Variants in JAKMIP2 observed in about 807,000 individuals in gnomAD.
JAKMIP2 encodes the protein janus kinase and microtubule-interacting protein 2.
A neutral mutation model predicts 115.0 loss-of-function variants in JAKMIP2; 25 were observed. The observed-to-expected ratio is 0.22, with a 90% confidence interval of 0.16 to 0.30. JAKMIP2 has a LOEUF of 0.30. Among genes scored for constraint, JAKMIP2 ranks in the 10% least tolerant of loss-of-function variants. The probability of loss-of-function intolerance (pLI) is 1.00; values close to 1 mark genes in which losing one functional copy is unlikely to be tolerated. For missense variants in JAKMIP2, 642 were observed against 957.6 expected (o/e 0.67, Z 4.35); for synonymous variants, 334 against 343.6 (o/e 0.97, Z 0.31).
At chr5:147,629,837 G>T in intron 14 of JAKMIP2, 91 bp from the exon 15 acceptor site, 1 of 950,478 alleles carries the variant, frequency 1.1e-6, no homozygotes, top group East Asian at 2.5e-5. Flanking sequence ...AGACATTTTA[G>T]GGCCTGAACT....
chr5:147,762,011 T>C (rs185397700), intron 1 of JAKMIP2, among the ~76,000 whole-genome samples: 239 of 151,970 alleles, frequency 1.6e-3, no homozygotes, highest in Non-Finnish European at 1.7e-3. Context: ...AAATAACTCA[T>C]GTTCATTGGG....
At chr5:147,752,898 C>A (rs1042652773) in intron 1 of JAKMIP2, among the ~76,000 whole-genome samples, 9 of 152,242 alleles carry the variant, frequency 5.9e-5, no homozygotes, top group African/African-American at 1.9e-4. Flanking sequence ...GGAGGGGCAG[C>A]TTTGTGGGAA....
rs76039036 is a variant in JAKMIP2 at position 147,749,138 on chromosome 5, T to C, written c.-149+33318A>G. ...TGATAAGTGACATCTAGAACACACA[T>C]ATAAATTTGTCAATTTGAAGCCTCT... is the stretch of plus-strand genomic sequence containing the variant. On this transcript the variant is annotated intron_variant, in intron 1 of 21. Transcript: ENST00000616793. Among the ~76,000 whole-genome samples the C allele has an allele frequency of 6.0e-3, 914 of 152,164 alleles. 18 individuals carry two copies. The highest frequency in any genetic ancestry group is 0.021 in the African/African-American group (863 of 41,506).
At chr5:147,688,841 T>C (rs1046942178) in intron 1 of JAKMIP2, among the ~76,000 whole-genome samples, 4 of 152,248 alleles carry the variant, frequency 2.6e-5, no homozygotes, top group African/African-American at 9.6e-5. Context: ...CCAAGCACTG[T>C]ACTTGGTATG....
In JAKMIP2 at chr5:147,644,209, A is replaced by G. The variant is rs757839427; in HGVS notation, c.1084-11T>C. 1.5e-4 allele frequency: 241 copies of G among 1,560,378 alleles called. 1 individual carries two copies. The Middle Eastern group carries it at 3.0e-3, about 19-fold the overall frequency. ...TGTTATTTTTTCTCTCTGGATTGGA[A>G]AAGAAGAAAGTACAGGTGGAGACTT... is the stretch of plus-strand genomic sequence containing the variant. On this transcript the variant is annotated splice_polypyrimidine_tract_variant and intron_variant, in intron 6 of 21. Coordinates refer to ENST00000616793, the MANE Select transcript of JAKMIP2 (RefSeq NM_001270941.2).
chr5:147,636,420 C>A (rs1757616678), intron 11 of JAKMIP2, 136 bp from the exon 12 acceptor site: 1 of 645,332 alleles, frequency 1.5e-6, no homozygotes, highest in Admixed American at 2.9e-5. Context: ...GTAGCACCCA[C>A]CCCTGCCAGC....
At position 147,771,015 on chromosome 5, in the gene JAKMIP2, T is replaced by C. The variant is rs530198850; in HGVS notation, c.-149+11441A>G. 4.6e-5 allele frequency among the ~76,000 whole-genome samples: 7 copies of C among 152,222 alleles called. No individual in the cohort carries two copies. In the East Asian group the frequency reaches 1.2e-3, roughly 25 times the overall value. ...GGAAAGTGTGTTTATGTGGGCTTTG[T>C]TCTTGAATGTAGATTTAAGCAGAGC... On this transcript the variant is annotated intron_variant, in intron 1 of 21. Transcript: ENST00000616793.
chr5:147,605,894 TATCTC>T (rs1755983746), intron 20 of JAKMIP2, among the ~76,000 whole-genome samples: 1 of 152,234 alleles, frequency 6.6e-6, no homozygotes, highest in African/African-American at 2.4e-5. Flanking sequence ...TGTGAGATGG[TATCTC>T]ATTGTGGTTT....
At chr5:147,690,557 A>G (rs1330127174) in intron 1 of JAKMIP2, among the ~76,000 whole-genome samples, 3 of 93,840 alleles carry the variant, frequency 3.2e-5, no homozygotes, top group South Asian at 3.2e-4. Context: ...ATATATATAT[A>G]TATATATATA....
chr5:147,663,085 T>C (rs369460643), intron 2 of JAKMIP2, among the ~76,000 whole-genome samples: 9 of 152,230 alleles, frequency 5.9e-5, no homozygotes, highest in South Asian at 4.1e-4. Flanking sequence ...ATCTGTAAAA[T>C]TGGAAGGTTT....
At chr5:147,726,122 C>T (rs1186687711) in intron 1 of JAKMIP2, among the ~76,000 whole-genome samples, 1 of 152,106 alleles carries the variant, frequency 6.6e-6, no homozygotes, top group African/African-American at 2.4e-5. Flanking sequence ...TTACTCAGGG[C>T]GACCATCTTG....
At position 147,588,339 on chromosome 5, in the gene JAKMIP2, C is replaced by T. The variant is rs1189629263; in HGVS notation, c.*3368G>A. ...AATGCTGTTCTGACTGCTACAAACT[C>T]AGTAGCCAAATGCATCTCGGTAGTA... On this transcript the variant is annotated 3_prime_UTR_variant, in exon 22 of 22. Coordinates refer to ENST00000616793, the MANE Select transcript of JAKMIP2 (RefSeq NM_001270941.2). The T allele has an allele frequency of 6.6e-6, 1 of 151,520 alleles. No homozygotes were observed. Among genetic ancestry groups the T allele is most frequent in the Non-Finnish European group, 1.5e-5 (1 of 67,952 alleles). 9.4% of individuals were successfully genotyped at this position (151,520 alleles called of 1,614,324 possible). A position where few individuals can be genotyped will look rare whatever the true frequency, so the allele number is the denominator to read the frequency against.
chr5:147,744,814 C>T (rs1754290610), intron 1 of JAKMIP2, among the ~76,000 whole-genome samples: 1 of 152,128 alleles, frequency 6.6e-6, no homozygotes, highest in Non-Finnish European at 1.5e-5. Context: ...AATCCCAGCA[C>T]TTTGGGAGGC....
intron 2 of JAKMIP2, among the ~76,000 whole-genome samples, chr5:147,662,771 G>A (rs1581375548): frequency 6.6e-6 from 1 of 152,200 alleles, no homozygotes; most frequent in South Asian, 2.1e-4. Context: ...GATCACCTGA[G>A]GTCAGGAGAT....
intron 1 of JAKMIP2, among the ~76,000 whole-genome samples, chr5:147,681,400 T>A (rs1760267788): frequency 6.6e-6 from 1 of 152,202 alleles, no homozygotes; most frequent in Non-Finnish European, 1.5e-5. Context: ...GTGAACTCCA[T>A]CCTACTCATC....
intron 21 of JAKMIP2, among the ~76,000 whole-genome samples, chr5:147,598,471 G>C (rs73794801): frequency 0.036 from 2,977 of 83,146 alleles, 104 homozygotes; most frequent in African/African-American, 0.11. Flanking sequence ...ATCTATCTAT[G>C]TATCATCTAT....
intron 1 of JAKMIP2, among the ~76,000 whole-genome samples, chr5:147,681,854 C>A (rs962786733): frequency 4.6e-5 from 7 of 151,828 alleles, no homozygotes; most frequent in African/African-American, 1.7e-4. Flanking sequence ...CCAGCCTGGG[C>A]AACATGGAGA....
intron 16 of JAKMIP2, among the ~76,000 whole-genome samples, chr5:147,627,425 G>A (rs1757147413): frequency 2.6e-5 from 4 of 151,926 alleles, no homozygotes; most frequent in African/African-American, 9.7e-5. Context: ...AATGGAGGGA[G>A]AGAAGGGAGA....
At chr5:147,613,660 A>T (rs954929146) in intron 19 of JAKMIP2, among the ~76,000 whole-genome samples, 1 of 152,238 alleles carries the variant, frequency 6.6e-6, no homozygotes, top group Non-Finnish European at 1.5e-5. Flanking sequence ...TGCATCTAGC[A>T]TCTACTGAGT....
Sources: gnomAD v4.1 joint callset for allele counts (sites outside exome capture counted in the v4.1 genomes callset) on GRCh38, gnomAD v4.1.1 for gene constraint, MANE v1.5 for transcripts, NCBI Gene and HGNC (gene_info 2026-07-23, HGNC 2026-07-21) for gene names.